The following INVS variants were observed in gnomAD, a reference collection of about 807,000 sequenced individuals.
INVS encodes inversin, also known as inversion of embryo turning homolog.
Under a neutral mutation model 108.8 loss-of-function variants are expected in INVS, and 86 were observed. The observed-to-expected ratio is 0.79, with a 90% CI of 0.66 to 0.95. The LOEUF (loss-of-function observed/expected upper bound fraction) is 0.95. INVS is among the 40% of genes least tolerant of loss of function. The pLI is 0.00. For synonymous variants in INVS, 455 were observed against 473.5 expected, an observed-to-expected ratio of 0.96 and a Z score of 0.51; for missense variants, 1,169 against 1,297.4, an observed-to-expected ratio of 0.90 and a Z score of 1.52.
chr9:100,208,689 T>A (rs758713317), intron 3 of INVS, among the ~76,000 whole-genome samples: 17 of 152,196 alleles, frequency 1.1e-4, no homozygotes, highest in African/African-American at 4.1e-4. Context: ...TAAACAAAAT[T>A]TGTTGCATTT....
intron 5 of INVS, among the ~76,000 whole-genome samples, chr9:100,234,007 T>G (rs1413023371): frequency 6.6e-6 from 1 of 152,220 alleles, no homozygotes; most frequent in Non-Finnish European, 1.5e-5. Context: ...TCCTGGACTT[T>G]TATTGGTTGG....
chr9:100,147,201 T>C (rs1177910097), intron 3 of INVS, among the ~76,000 whole-genome samples: 1 of 152,228 alleles, frequency 6.6e-6, no homozygotes, highest in Non-Finnish European at 1.5e-5. Context: ...CTTAGTCTTC[T>C]GTAGACCTCT....
At chr9:100,284,201 C>G (rs1184135776) in intron 12 of INVS, 119 bp from the exon 13 acceptor site, 5 of 1,231,456 alleles carry the variant, frequency 4.1e-6, no homozygotes, top group Non-Finnish European at 5.8e-6. Flanking sequence ...TTGGAAAATG[C>G]AAATTTCCAA....
chr9:100,104,839 T>A (rs552742474), intron 2 of INVS, among the ~76,000 whole-genome samples: 2 of 152,328 alleles, frequency 1.3e-5, no homozygotes, highest in African/African-American at 4.8e-5. Context: ...TTGAGAAATT[T>A]CTATGTATTT....
At chr9:100,099,956 C>T (rs2118781069) in intron 1 of INVS, among the ~76,000 whole-genome samples, 1 of 152,308 alleles carries the variant, frequency 6.6e-6, no homozygotes, top group East Asian at 1.9e-4. Context: ...TACCCGTTCT[C>T]TCTCTGGAAT....
At chr9:100,173,423 T>G (rs1245147709) in intron 3 of INVS, among the ~76,000 whole-genome samples, 1 of 152,158 alleles carries the variant, frequency 6.6e-6, no homozygotes, top group Non-Finnish European at 1.5e-5. Context: ...GGGCAATGGC[T>G]GTAAGTCAGA....
intron 3 of INVS, among the ~76,000 whole-genome samples, chr9:100,127,197 AAATT>A (rs1203536630): frequency 2.6e-5 from 4 of 152,050 alleles, no homozygotes; most frequent in Non-Finnish European, 5.9e-5. Flanking sequence ...CCCTGTCTCT[AAATT>A]AATTAATTAA....
chr9:100,302,083 CTTCTTT>C lies in INVS; in HGVS notation c.*1410_*1415del, dbSNP rs1380987503. On this transcript the variant is annotated 3_prime_UTR_variant, in exon 17 of 17. Coordinates refer to ENST00000262457, the MANE Select transcript of INVS (RefSeq NM_014425.5). Reference sequence around the variant, plus strand: ...AGTGCAAAGAAAGAAGGTTCGTAAACTTCTTTAAAAGTTCAGCTTTAATGACAAAGA... The same window carrying C: ...AGTGCAAAGAAAGAAGGTTCGTAAACAAAAGTTCAGCTTTAATGACAAAGA... 1 of 652,732 alleles carries C rather than the reference CTTCTTT, an allele frequency of 1.5e-6. No individual in the cohort carries two copies. The highest frequency in any genetic ancestry group is 1.8e-5 in the African/African-American group (1 of 55,592). 40.4% of individuals were successfully genotyped at this position (652,732 alleles called of 1,614,324 possible).
rs1452596283 is a variant in INVS, at chr9:100,242,617, A to G, written c.844A>G (p.Thr282Ala). Residue 282 changes from threonine to alanine, a missense_variant, in exon 7 of 17, where the codon ACT becomes GCT. Around this residue, in one of 3 missense-constraint regions of INVS, gnomAD observed 365 missense variants for 397.5 expected, o/e 0.92. Coordinates refer to ENST00000262457, the MANE Select transcript of INVS (RefSeq NM_014425.5). ...HLLLERNKSG[T>A]IPSDSQGATP... ...CCTTTTAGAAAGAAATAAGTCTGGA[A>G]CTATCCCATCTGACAGCCAAGGAGC... 1 of 1,612,720 alleles carries G rather than the reference A, an allele frequency of 6.2e-7. No individual in the cohort carries two copies. Among genetic ancestry groups the G allele is most frequent in the South Asian group, 1.1e-5 (1 of 91,016 alleles).
At chr9:100,165,324 G>A (rs1276224984) in intron 3 of INVS, among the ~76,000 whole-genome samples, 1 of 152,072 alleles carries the variant, frequency 6.6e-6, no homozygotes, top group East Asian at 1.9e-4. Context: ...ATGTTTCACT[G>A]TGTCTGTTTT....
At chr9:100,229,940 A>C in intron 5 of INVS, 113 bp downstream of exon 5, 2 of 994,408 alleles carry the variant, frequency 2.0e-6, no homozygotes, top group Non-Finnish European at 3.1e-6. Context: ...TAAGCAAAAG[A>C]ATACAACAGA....
chr9:100,193,932 A>G (rs1467593706), intron 3 of INVS, among the ~76,000 whole-genome samples: 1 of 152,222 alleles, frequency 6.6e-6, no homozygotes, highest in East Asian at 1.9e-4. Context: ...GGCGTAAGCA[A>G]CAGCACCTAG....
At chr9:100,110,162 A>C (rs1016404376) in intron 2 of INVS, among the ~76,000 whole-genome samples, 3 of 152,240 alleles carry the variant, frequency 2.0e-5, no homozygotes, top group Non-Finnish European at 4.4e-5. Context: ...ATGTTTATGC[A>C]TCCATCCTAA....
At chr9:100,100,965 A>T (rs1276717364) in intron 1 of INVS, among the ~76,000 whole-genome samples, 62 of 14,342 alleles carry the variant, frequency 4.3e-3, no homozygotes, top group East Asian at 0.04. Context: ...TTATATATAT[A>T]ATATATATTA....
At chr9:100,266,692 C>A (rs1014240249) in intron 11 of INVS, among the ~76,000 whole-genome samples, 4 of 152,116 alleles carry the variant, frequency 2.6e-5, no homozygotes, top group African/African-American at 9.7e-5. Context: ...GGAATGCAGC[C>A]CAACAGCTTT....
intron 12 of INVS, among the ~76,000 whole-genome samples, chr9:100,276,833 C>T (rs899846644): frequency 6.6e-5 from 10 of 152,140 alleles, no homozygotes; most frequent in Non-Finnish European, 1.3e-4. Flanking sequence ...AGCCATGGTG[C>T]TCTGTAAGAT....
chr9:100,225,462 T>G (rs905275677), intron 3 of INVS, among the ~76,000 whole-genome samples: 2 of 152,200 alleles, frequency 1.3e-5, no homozygotes, highest in African/African-American at 4.8e-5. Context: ...ACAAAACGTT[T>G]AACTACTTTG....
chr9:100,143,932 C>T (rs540690415), intron 3 of INVS, among the ~76,000 whole-genome samples: 4 of 152,170 alleles, frequency 2.6e-5, no homozygotes, highest in South Asian at 2.1e-4. Context: ...AGGGGGCTTC[C>T]GAGGCGATCG....
At chr9:100,253,877 C>A (rs1388198767) in intron 10 of INVS, among the ~76,000 whole-genome samples, 2 of 152,094 alleles carry the variant, frequency 1.3e-5, no homozygotes. Context: ...AATAAACATA[C>A]GTGTGCATGT....
Sources: gnomAD v4.1 joint callset for allele counts (sites outside exome capture counted in the v4.1 genomes callset) on GRCh38, gnomAD v4.1.1 for gene constraint, gnomAD v4.1.1 regional missense constraint, MANE v1.5 for transcripts, NCBI Gene and HGNC (gene_info 2026-07-23, HGNC 2026-07-21) for gene names.